The following UGT2B15 variants were observed in gnomAD, a reference collection of about 807,000 sequenced individuals.
UGT2B15 encodes UDP glucuronosyltransferase family 2 member B15.
In UGT2B15, 36 loss-of-function variants were observed where a neutral mutation model predicts 45.9. That is an observed-to-expected ratio of 0.78 (90% CI 0.60 to 1.04). The LOEUF is 1.04. Ranked by LOEUF, UGT2B15 falls within the 50% of genes least tolerant of loss-of-function variation. The pLI is 0.00. For synonymous variants in UGT2B15, 219 were observed against 216.4 expected (o/e 1.01, Z -0.11); for missense variants, 617 against 622.4 (o/e 0.99, Z 0.09).
intron 5 of UGT2B15, among the ~76,000 whole-genome samples, chr4:68,649,525 C>A (rs1306286089): frequency 1.3e-5 from 2 of 151,834 alleles, no homozygotes; most frequent in East Asian, 1.9e-4. Context: ...ATGTGATCCT[C>A]CCACTTTGGC....
At chr4:68,655,521 C>T (rs964212921) in intron 3 of UGT2B15, among the ~76,000 whole-genome samples, 7 of 152,068 alleles carry the variant, frequency 4.6e-5, no homozygotes, top group African/African-American at 7.2e-5. Context: ...ACCTACCTCC[C>T]ATTCTATTCA....
chr4:68,656,456 G>A (rs1275331899), intron 3 of UGT2B15, among the ~76,000 whole-genome samples: 3 of 143,134 alleles, frequency 2.1e-5, no homozygotes, highest in Admixed American at 7.1e-5. Context: ...TACCTGACTT[G>A]ATCAAATCTG....
intron 5 of UGT2B15, among the ~76,000 whole-genome samples, chr4:68,650,055 C>T (rs749366727): frequency 2.6e-5 from 4 of 151,880 alleles, no homozygotes; most frequent in Non-Finnish European, 4.4e-5. Flanking sequence ...AGTATGGTCT[C>T]GATATCTTGA....
intron 5 of UGT2B15, 70 bp downstream of exon 5, chr4:68,653,966 GT>G: frequency 6.3e-7 from 1 of 1,578,396 alleles, no homozygotes; most frequent in Admixed American, 1.7e-5. Context: ...TTAAAAACGG[GT>G]TAAAATTCAT....
intron 4 of UGT2B15, 130 bp downstream of exon 4, chr4:68,654,965 A>C: frequency 8.7e-7 from 1 of 1,150,220 alleles, no homozygotes; most frequent in Non-Finnish European, 1.3e-6. Context: ...AATAAATATA[A>C]AGTAGTTAAA....
At chr4:68,659,532 A>G (rs549400691) in intron 3 of UGT2B15, among the ~76,000 whole-genome samples, 1 of 152,002 alleles carries the variant, frequency 6.6e-6, no homozygotes, top group Non-Finnish European at 1.5e-5. Flanking sequence ...AACTCCTATA[A>G]TTCTGATATG....
In UGT2B15 at chr4:68,670,129, G is replaced by T; in HGVS notation, c.490C>A (p.Leu164Ile). 2 of 1,614,064 alleles carry T rather than the reference G, an allele frequency of 1.2e-6. No individual in the cohort carries two copies. The highest frequency in any genetic ancestry group is 1.7e-6 in the Non-Finnish European group (2 of 1,179,976). The change falls in exon 1 of 6, where the codon CTA becomes ATA. Residue 164 changes from leucine (L) to isoleucine (I), a missense_variant. By Grantham distance (5) the Leu-to-Ile change is conservative. Around this residue, in one of 3 missense-constraint regions of UGT2B15, gnomAD observed 351 missense variants for 342.1 expected, o/e 1.03. Transcript: ENST00000338206. ...CTGTACAGAAAGGGTATGTTAAATA[G>T]TTCAGCCAGTAGCTCACCACAGGGA... Reference protein sequence around the residue: ...LNPCGELLAELFNIPFLYSLR... With the variant: ...LNPCGELLAEIFNIPFLYSLR...
Position 68,647,039 on chromosome 4 carries a change from C to A in UGT2B15, c.*65G>T, listed in dbSNP as rs1732494621. ...AAAAAGGAAATCCTCCATTTAAAAC[C>A]CTCCATGCTGAAATAAAGGAGGAGT... On this transcript the variant is annotated 3_prime_UTR_variant, in exon 6 of 6. Coordinates refer to ENST00000338206, the MANE Select transcript of UGT2B15 (RefSeq NM_001076.4). The A allele has an allele frequency of 1.3e-6, 2 of 1,539,096 alleles. No homozygotes were observed. Among genetic ancestry groups the A allele is most frequent in the Non-Finnish European group, 1.7e-6 (2 of 1,142,976 alleles).
At chr4:68,660,058 A>C (rs532154149) in intron 3 of UGT2B15, among the ~76,000 whole-genome samples, 3 of 150,544 alleles carry the variant, frequency 2.0e-5, no homozygotes, top group South Asian at 2.1e-4. Flanking sequence ...AGAATTTGGA[A>C]ACTATTTGTG....
intron 3 of UGT2B15, among the ~76,000 whole-genome samples, chr4:68,661,752 C>G (rs149029897): frequency 0.022 from 3,389 of 152,138 alleles, 68 homozygotes; most frequent in Middle Eastern, 0.071. Context: ...GTGTTTGACA[C>G]AAATTCAGAC....
Position 68,670,516 on chromosome 4 carries a change from G to T in UGT2B15, c.103C>A (p.His35Asn), listed in dbSNP as rs529876617. ...AGGATTGTCTTCATATTTATCCAATGGCTGTATTCTGTGGGCCACACTAGC... is the reference window on the plus strand; with the variant it reads ...AGGATTGTCTTCATATTTATCCAATTGCTGTATTCTGTGGGCCACACTAGC... Reference protein sequence around the residue: ...KVLVWPTEYSHWINMKTILEE... With the variant: ...KVLVWPTEYSNWINMKTILEE... The change falls in exon 1 of 6, where the codon CAT (histidine) becomes AAT (asparagine). Residue 35 changes from histidine to asparagine, a missense_variant. By Grantham distance (68) the His-to-Asn change is moderately conservative (BLOSUM62 1). Around this residue, in one of 3 missense-constraint regions of UGT2B15, gnomAD observed 351 missense variants for 342.1 expected, o/e 1.03. Coordinates refer to ENST00000338206, the MANE Select transcript of UGT2B15 (RefSeq NM_001076.4). 1,884 of 1,613,890 alleles carry T rather than the reference G, an allele frequency of 1.2e-3. 41 individuals carry two copies. In the South Asian group the frequency reaches 0.02, roughly 17 times the overall value.
intron 2 of UGT2B15, among the ~76,000 whole-genome samples, chr4:68,665,605 G>A (rs1232513655): frequency 6.6e-6 from 1 of 151,964 alleles, no homozygotes; most frequent in Non-Finnish European, 1.5e-5. Flanking sequence ...ATACTTTTTG[G>A]CAAGAGTCTT....
intron 3 of UGT2B15, among the ~76,000 whole-genome samples, chr4:68,656,736 G>A (rs766199377): frequency 6.6e-6 from 1 of 152,044 alleles, no homozygotes; most frequent in Non-Finnish European, 1.5e-5. Context: ...TCAGAACAAA[G>A]GCACCACTCA....
At chr4:68,658,336 T>A (rs1354712880) in intron 3 of UGT2B15, among the ~76,000 whole-genome samples, 2 of 152,112 alleles carry the variant, frequency 1.3e-5, no homozygotes, top group Non-Finnish European at 2.9e-5. Flanking sequence ...AAATGCTTTT[T>A]CAAGTTTATG....
In UGT2B15 at chr4:68,670,103, A is replaced by C; in HGVS notation, c.516T>G (p.Ser172Arg). ...ATGTGTAGCCAACAGAGAATCGAAG[A>C]CTGTACAGAAAGGGTATGTTAAATA... is the stretch of plus-strand genomic sequence containing the variant. ...AELFNIPFLY[S>R]LRFSVGYTFE... The change falls in exon 1 of 6, where the codon AGT (serine) becomes AGG (arginine). Residue 172 changes from serine to arginine, a missense_variant. Physicochemically the swap from Ser to Arg is moderately radical, Grantham distance 110 (BLOSUM62 -1). This residue lies in a region of UGT2B15 where 351 missense variants were observed against 342.1 expected (regional missense o/e 1.03). Coordinates refer to ENST00000338206, the MANE Select transcript of UGT2B15 (RefSeq NM_001076.4). 1 of 1,614,130 alleles carries C rather than the reference A, an allele frequency of 6.2e-7. No homozygotes were observed. Among genetic ancestry groups the C allele is most frequent in the South Asian group, 1.1e-5 (1 of 91,078 alleles).
intron 5 of UGT2B15, among the ~76,000 whole-genome samples, chr4:68,651,639 C>T (rs1275747030): frequency 6.6e-6 from 1 of 152,018 alleles, no homozygotes; most frequent in East Asian, 1.9e-4. Context: ...AATCCTTTCC[C>T]CAGTTGCTTG....
At chr4:68,653,702 A>G (rs1273833647) in intron 5 of UGT2B15, among the ~76,000 whole-genome samples, 1 of 151,324 alleles carries the variant, frequency 6.6e-6, no homozygotes, top group East Asian at 1.9e-4. Context: ...ACTTTCAGAA[A>G]TTTTAGGTAT....
At chr4:68,665,117 T>C (rs1173818159) in intron 2 of UGT2B15, among the ~76,000 whole-genome samples, 1 of 152,144 alleles carries the variant, frequency 6.6e-6, no homozygotes, top group African/African-American at 2.4e-5. Context: ...AGAAGATCAA[T>C]GTAAGTAGTT....
chr4:68,647,401 A>G lies in UGT2B15; in HGVS notation c.1314-18T>C, dbSNP rs771829331. 1.3e-6 allele frequency: 2 copies of G among 1,595,992 alleles called. No homozygotes were observed. Among genetic ancestry groups the G allele is most frequent in the Non-Finnish European group, 1.7e-6 (2 of 1,169,742 alleles). On this transcript the variant is annotated intron_variant, in intron 5 of 5. Coordinates refer to ENST00000338206, the MANE Select transcript of UGT2B15 (RefSeq NM_001076.4). The stretch of plus-strand genomic sequence containing the variant: ...CTTTATAGCTGAAGGATAAATATAA[A>G]GATATCAACATTAAAAGTAAATTTA...
Sources: allele counts gnomAD v4.1 joint callset (sites outside exome capture counted in the v4.1 genomes callset), GRCh38; gene constraint gnomAD v4.1.1; regional missense constraint gnomAD v4.1.1; transcripts MANE v1.5; gene names NCBI Gene and HGNC (gene_info 2026-07-23, HGNC 2026-07-21).